PRPF3: variants seen among roughly 807,000 people sequenced by gnomAD.
The protein encoded by PRPF3 is U4/U6 small nuclear ribonucleoprotein Prp3.
PRPF3 carries 3 observed loss-of-function variants against 89.2 expected under a neutral mutation model. The observed-to-expected ratio is 0.03, with a 90% CI of 0.02 to 0.09. The LOEUF (loss-of-function observed/expected upper bound fraction) is 0.09. PRPF3 is among the 10% of genes least tolerant of loss of function. The pLI, the probability that PRPF3 is intolerant of heterozygous loss-of-function variation, is 1.00. For missense variants in PRPF3, 463 were observed against 828.8 expected, an observed-to-expected ratio of 0.56 and a Z score of 5.42; for synonymous variants, 270 against 289.1, an observed-to-expected ratio of 0.93 and a Z score of 0.67.
At chr1:150,348,087 A>G (rs1218715584) in intron 14 of PRPF3, among the ~76,000 whole-genome samples, 2 of 152,158 alleles carry the variant, frequency 1.3e-5, no homozygotes, top group Non-Finnish European at 2.9e-5. Flanking sequence ...ATTAGCATTT[A>G]AAATCTGCAG....
At chr1:150,322,682 T>G (rs1498308) in intron 1 of PRPF3, among the ~76,000 whole-genome samples, 102,057 of 152,046 alleles carry the variant, frequency 0.67, 34,977 homozygotes, top group African/African-American at 0.81. Context: ...CTATTTGGCA[T>G]CAAGTCTTAT....
rs1553866852 is a variant in PRPF3, at chr1:150,335,010, A to C, written c.804A>C (p.Thr268=). 10 of 1,614,190 alleles carry C rather than the reference A, an allele frequency of 6.2e-6. No individual in the cohort carries two copies. The highest frequency in any genetic ancestry group is 7.6e-6 in the Non-Finnish European group (9 of 1,180,032). The change falls in exon 7 of 16, where the codon ACA becomes ACC. Residue 268 remains threonine (T), a synonymous_variant. Coordinates refer to ENST00000324862, the MANE Select transcript of PRPF3 (RefSeq NM_004698.4). ...LDEQGRTVDA[T]GKEIELTHRM... ...AGCAAGGGCGCACTGTAGATGCAAC[A>C]GGCAAGGAGATTGAGCTGACACACC...
chr1:150,328,252 C>T, intron 3 of PRPF3, 68 bp from the exon 4 acceptor site: 2 of 1,585,134 alleles, frequency 1.3e-6, no homozygotes, highest in Non-Finnish European at 1.7e-6. Context: ...CTGGTAGGGG[C>T]TAGGATAATT....
chr1:150,345,373 G>A (rs1043270443), intron 12 of PRPF3, among the ~76,000 whole-genome samples: 3 of 151,510 alleles, frequency 2.0e-5, no homozygotes, highest in East Asian at 1.9e-4. Context: ...ATTTTGAGAC[G>A]GAGTTTCAGT....
At chr1:150,339,081 T>G (rs1473233648) in intron 8 of PRPF3, among the ~76,000 whole-genome samples, 2 of 151,964 alleles carry the variant, frequency 1.3e-5, no homozygotes, top group Non-Finnish European at 2.9e-5. Context: ...ATATAGCATA[T>G]AAGGCTGGGC....
intron 6 of PRPF3, among the ~76,000 whole-genome samples, chr1:150,334,673 A>C (rs145917503): frequency 1.9e-3 from 294 of 152,168 alleles, no homozygotes; most frequent in Non-Finnish European, 3.2e-3. Flanking sequence ...TCCTGGGCTC[A>C]AGTGATCCTC....
At chr1:150,341,680 A>G (rs1378960900) in intron 9 of PRPF3, among the ~76,000 whole-genome samples, 5 of 149,408 alleles carry the variant, frequency 3.3e-5, no homozygotes, top group African/African-American at 1.2e-4. Flanking sequence ...TGCTGGGATT[A>G]TAGGTGTGAG....
intron 9 of PRPF3, 33 bp from the exon 10 acceptor site, chr1:150,343,275 AC>A: frequency 6.8e-7 from 1 of 1,467,872 alleles, no homozygotes; most frequent in South Asian, 1.2e-5. Context: ...ATGTATTCTT[AC>A]TGCTTTGGTA....
chr1:150,325,484 A>G (rs1655599534), intron 2 of PRPF3, among the ~76,000 whole-genome samples: 1 of 152,188 alleles, frequency 6.6e-6, no homozygotes, highest in South Asian at 2.1e-4. Context: ...CTATTTGGGA[A>G]AGGTGAGGGT....
chr1:150,339,434 A>ATTT, intron 8 of PRPF3, among the ~76,000 whole-genome samples: 2 of 136,346 alleles, frequency 1.5e-5, no homozygotes, highest in South Asian at 2.3e-4. Flanking sequence ...TGCTCCATCC[A>ATTT]TTTTTTTTTT....
chr1:150,343,565 C>A, intron 10 of PRPF3, 113 bp downstream of exon 10: 1 of 1,400,400 alleles, frequency 7.1e-7, no homozygotes, highest in Non-Finnish European at 9.9e-7. Flanking sequence ...AAGAATTATT[C>A]TTGGGGTCCT....
At chr1:150,349,998 C>T (rs1464578397) in intron 15 of PRPF3, among the ~76,000 whole-genome samples, 28 of 151,478 alleles carry the variant, frequency 1.8e-4, no homozygotes, top group South Asian at 1.3e-3. Flanking sequence ...CAGGTTCAAA[C>T]GATTCTCCTG....
intron 14 of PRPF3, chr1:150,348,781 A>G (rs1658592433): frequency 3.6e-6 from 1 of 278,808 alleles, no homozygotes; most frequent in Non-Finnish European, 6.9e-6. Flanking sequence ...GATTTGGTAT[A>G]TCTGCCCTCC....
At position 150,338,173 on chromosome 1, in the gene PRPF3, A is replaced by G. The variant is rs782025052; in HGVS notation, c.1049A>G (p.Lys350Arg). The G allele has an allele frequency of 2.5e-6, 4 of 1,614,110 alleles. No homozygotes were observed. The highest frequency in any genetic ancestry group is 1.7e-6 in the Non-Finnish European group (2 of 1,180,010). ...TCTTGTTTTTAGGCTCAACTGGAGA[A>G]GCTACAGGCAGAGATTTCACAAGCA... The part of the protein sequence containing the change: ...QRLRTKAQLE[K>R]LQAEISQAAR... The change falls in exon 8 of 16, where the codon AAG (lysine) becomes AGG (arginine). Residue 350 changes from lysine (K) to arginine (R), a missense_variant. By Grantham distance (26) the Lys-to-Arg change is conservative. This residue lies in a region of PRPF3 where 261 missense variants were observed against 475.8 expected (regional missense o/e 0.55). Transcript: ENST00000324862.
intron 15 of PRPF3, among the ~76,000 whole-genome samples, chr1:150,349,896 C>CGGGGGGGG (rs1263956508): frequency 4.0e-5 from 1 of 25,242 alleles, no homozygotes; most frequent in Non-Finnish European, 1.0e-4. Context: ...GGCGGGGGGG[C>CGGGGGGGG]GGGGGGCGGT....
At chr1:150,349,882 T>G (rs61372720) in intron 15 of PRPF3, among the ~76,000 whole-genome samples, 1,527 of 97,650 alleles carry the variant, frequency 0.016, 24 homozygotes, top group African/African-American at 0.053. Context: ...TATCTTTTTT[T>G]GGGGGCGGGG....
intron 6 of PRPF3, among the ~76,000 whole-genome samples, chr1:150,333,517 A>G (rs1290914569): frequency 1.3e-5 from 2 of 152,188 alleles, no homozygotes; most frequent in Non-Finnish European, 2.9e-5. Flanking sequence ...CAGTGAGCTG[A>G]GATCGTGCCA....
chr1:150,326,978 T>A (rs1655793885), intron 3 of PRPF3, among the ~76,000 whole-genome samples: 1 of 152,144 alleles, frequency 6.6e-6, no homozygotes, highest in South Asian at 2.1e-4. Flanking sequence ...TGTTGAATTT[T>A]GTTATATTTA....
chr1:150,332,915 G>C, intron 5 of PRPF3, 64 bp from the exon 6 acceptor site: 7 of 1,515,836 alleles, frequency 4.6e-6, no homozygotes, highest in Non-Finnish European at 6.4e-6. Context: ...GTATATCTGT[G>C]TGTATGTATG....
Sources: gnomAD v4.1 joint callset for allele counts (sites outside exome capture counted in the v4.1 genomes callset) on GRCh38, gnomAD v4.1.1 for gene constraint, gnomAD v4.1.1 regional missense constraint, MANE v1.5 for transcripts, NCBI Gene and HGNC (gene_info 2026-07-23, HGNC 2026-07-21) for gene names.